Variants in AXDND1 observed in about 807,000 individuals in gnomAD.
The protein encoded by AXDND1 is axonemal dynein light chain domain containing 1, also known as axonemal dynein light chain domain-containing protein 1.
A neutral mutation model predicts 137.5 loss-of-function variants in AXDND1; 110 were observed. The ratio of observed to expected loss-of-function variants is 0.80; its 90% CI spans 0.69 to 0.94. The LOEUF is 0.94. AXDND1 is among the 40% of genes least tolerant of loss of function. The probability of loss-of-function intolerance (pLI) is 0.00; values close to 1 mark genes in which losing one functional copy is unlikely to be tolerated. For synonymous variants in AXDND1, 414 were observed against 399.7 expected (o/e 1.04, Z -0.43); for missense variants, 1,191 against 1,169.8 (o/e 1.02, Z -0.26).
chr1:179,460,084 G>T (rs1034759484), intron 16 of AXDND1, among the ~76,000 whole-genome samples: 1 of 148,866 alleles, frequency 6.7e-6, no homozygotes, highest in African/African-American at 2.5e-5. Flanking sequence ...GGGTACATGT[G>T]CACAACGTGC....
intron 17 of AXDND1, among the ~76,000 whole-genome samples, chr1:179,476,821 A>G (rs1327885495): frequency 6.6e-6 from 1 of 152,206 alleles, no homozygotes; most frequent in African/African-American, 2.4e-5. Flanking sequence ...ACTCTCATAT[A>G]TAAGTTTGTA....
intron 16 of AXDND1, chr1:179,454,037 G>A (rs1367507853): frequency 6.6e-6 from 1 of 152,170 alleles, no homozygotes; most frequent in African/African-American, 2.4e-5. Context: ...TTAAGTTAAT[G>A]CTGAAATGAA....
chr1:179,534,047 G>A (rs1273099757), intron 24 of AXDND1, among the ~76,000 whole-genome samples, 170 bp downstream of exon 24: 1 of 152,154 alleles, frequency 6.6e-6, no homozygotes, highest in Non-Finnish European at 1.5e-5. Flanking sequence ...ACACTGCCCT[G>A]GTGGAAACAT....
intron 12 of AXDND1, among the ~76,000 whole-genome samples, chr1:179,421,035 CCCTT>C (rs143579938): frequency 0.2 from 26,420 of 134,104 alleles, 2,737 homozygotes; most frequent in African/African-American, 0.2. Context: ...ATTTGGGTAT[CCCTT>C]CCTTCCTTCC....
At chr1:179,529,773 A>G (rs1053620125) in intron 23 of AXDND1, among the ~76,000 whole-genome samples, 4 of 152,160 alleles carry the variant, frequency 2.6e-5, no homozygotes, top group Non-Finnish European at 5.9e-5. Flanking sequence ...TACAGATGCA[A>G]ATTTTTCCCA....
chr1:179,490,085 A>G (rs1666703870), intron 18 of AXDND1, among the ~76,000 whole-genome samples: 1 of 152,120 alleles, frequency 6.6e-6, no homozygotes, highest in Non-Finnish European at 1.5e-5. Flanking sequence ...TTCAAGAAAC[A>G]TTTACTAAGA....
At chr1:179,419,266 G>A (rs1307596644) in intron 12 of AXDND1, among the ~76,000 whole-genome samples, 3 of 151,974 alleles carry the variant, frequency 2.0e-5, no homozygotes, top group Admixed American at 6.6e-5. Context: ...CAAGGCAGGC[G>A]GCTGGGAGGT....
chr1:179,501,526 AC>A (rs1381587393), intron 20 of AXDND1, among the ~76,000 whole-genome samples: 1 of 152,126 alleles, frequency 6.6e-6, no homozygotes, highest in Non-Finnish European at 1.5e-5. Flanking sequence ...CCTGACTAAT[AC>A]AGTGAAACCC....
intron 16 of AXDND1, chr1:179,456,719 T>C: frequency 1.3e-6 from 1 of 781,922 alleles, no homozygotes; most frequent in Non-Finnish European, 2.3e-6. Flanking sequence ...TGAAACCACC[T>C]CCATGACCAC....
intron 25 of AXDND1, 172 bp downstream of exon 25, chr1:179,535,134 C>T: frequency 2.1e-6 from 2 of 946,812 alleles, no homozygotes; most frequent in Non-Finnish European, 3.1e-6. Context: ...TCGGACAACT[C>T]ACAAAAAGGA....
intron 2 of AXDND1, among the ~76,000 whole-genome samples, chr1:179,367,971 C>CTT (rs563605841): frequency 1.1e-4 from 16 of 146,586 alleles, no homozygotes; most frequent in African/African-American, 3.5e-4. Flanking sequence ...CCCCACCCAA[C>CTT]TTTTTTTTTT....
intron 18 of AXDND1, among the ~76,000 whole-genome samples, chr1:179,491,113 C>G (rs1032033344): frequency 6.6e-6 from 1 of 152,134 alleles, no homozygotes; most frequent in Non-Finnish European, 1.5e-5. Flanking sequence ...TGCTTCATCC[C>G]AGCAGTTCAA....
chr1:179,481,887 T>C (rs546149988), intron 17 of AXDND1, among the ~76,000 whole-genome samples: 8 of 152,270 alleles, frequency 5.3e-5, no homozygotes, highest in African/African-American at 1.9e-4. Context: ...TTGATCTTGT[T>C]CTGAACTCAA....
At chr1:179,377,219 A>G (rs1264349231) in intron 4 of AXDND1, among the ~76,000 whole-genome samples, 1 of 152,230 alleles carries the variant, frequency 6.6e-6, no homozygotes, top group African/African-American at 2.4e-5. Flanking sequence ...GGCATGAGCC[A>G]CTGCAACTGG....
intron 17 of AXDND1, among the ~76,000 whole-genome samples, chr1:179,472,916 A>G (rs984989739): frequency 6.6e-6 from 1 of 152,104 alleles, no homozygotes; most frequent in African/African-American, 2.4e-5. Context: ...TGTGTCTTCT[A>G]TAGAGACCAT....
At chr1:179,450,428 A>C (rs1240378271) in intron 16 of AXDND1, 1 of 152,224 alleles carries the variant, frequency 6.6e-6, no homozygotes, top group Non-Finnish European at 1.5e-5. Flanking sequence ...GTAGGAAAGC[A>C]TGAGTCTTTG....
intron 9 of AXDND1, among the ~76,000 whole-genome samples, chr1:179,386,008 C>A (rs35862298): frequency 0.11 from 16,244 of 150,128 alleles, 1,061 homozygotes; most frequent in East Asian, 0.35. Flanking sequence ...TTCCCCCAAA[C>A]GTAATGTGTG....
intron 20 of AXDND1, among the ~76,000 whole-genome samples, chr1:179,498,558 T>C (rs1422509217): frequency 2.0e-5 from 3 of 152,056 alleles, no homozygotes; most frequent in African/African-American, 4.8e-5. Flanking sequence ...CCAAAAGCAG[T>C]AGCAACAAAA....
At chr1:179,419,115 C>G (rs550428675) in intron 12 of AXDND1, among the ~76,000 whole-genome samples, 1 of 150,582 alleles carries the variant, frequency 6.6e-6, no homozygotes, top group African/African-American at 2.5e-5. Context: ...CGGGCAGAGA[C>G]GCTCCTCACT....
Sources: allele counts gnomAD v4.1 joint callset (sites outside exome capture counted in the v4.1 genomes callset), GRCh38; gene constraint gnomAD v4.1.1; transcripts MANE v1.5; gene names NCBI Gene and HGNC (gene_info 2026-07-23, HGNC 2026-07-21).